Variants in NBPF12 observed in about 807,000 individuals in gnomAD.
The protein encoded by NBPF12 is NBPF member 12.
A neutral mutation model predicts 146.4 loss-of-function variants in NBPF12; 115 were observed. That is an observed-to-expected ratio of 0.79 (90% CI 0.68 to 0.92). The LOEUF is 0.92. Among genes scored for constraint, NBPF12 ranks in the 40% least tolerant of loss-of-function variants. NBPF12 has a pLI of 0.00. For synonymous variants in NBPF12, 385 were observed against 508.9 expected (o/e 0.76, Z 3.28); for missense variants, 1,205 against 1,326.8 (o/e 0.91, Z 1.43).
At chr1:146,940,140 C>T (rs1338293688) in intron 1 of NBPF12, among the ~76,000 whole-genome samples, 2 of 152,168 alleles carry the variant, frequency 1.3e-5, no homozygotes, top group African/African-American at 4.8e-5. Flanking sequence ...AGCTGTTATG[C>T]ATTAATAGCT....
At position 146,963,491 on chromosome 1, in the gene NBPF12, C is replaced by A. The variant is rs1294506786; in HGVS notation, c.493+182C>A. Among the ~76,000 whole-genome samples, 904 of 148,046 alleles carry A rather than the reference C, an allele frequency of 6.1e-3. 15 individuals are homozygous for A. Among genetic ancestry groups the A allele is most frequent in the African/African-American group, 0.021 (847 of 40,180 alleles). On this transcript the variant is annotated intron_variant, in intron 6 of 33. Coordinates refer to ENST00000617844, the Ensembl canonical transcript of NBPF12. ...TGGGAAACCCATGGGTTTGGAGGTCCCAGTATTGCAAGTGTCCCTCCTTCC... is the reference window on the plus strand; with the variant it reads ...TGGGAAACCCATGGGTTTGGAGGTCACAGTATTGCAAGTGTCCCTCCTTCC...
At chr1:146,980,723 A>C (rs1657317235) in intron 19 of NBPF12, among the ~76,000 whole-genome samples, 1 of 150,644 alleles carries the variant, frequency 6.6e-6, no homozygotes, top group African/African-American at 2.5e-5. Context: ...GCAGTGTGGC[A>C]ATTCCTCAGG....
upstream of NBPF12, among the ~76,000 whole-genome samples, chr1:146,947,931 TA>T (rs1353967095): frequency 6.6e-6 from 1 of 152,032 alleles, no homozygotes; most frequent in Non-Finnish European, 1.5e-5. Flanking sequence ...AGGAATTTTT[TA>T]AAATCTGCTA....
chr1:146,976,652 A>C lies in NBPF12; in HGVS notation c.2120-277A>C, dbSNP rs1255202981. 2.0e-4 allele frequency among the ~76,000 whole-genome samples: 31 copies of C among 151,602 alleles called. No homozygotes were observed. The Middle Eastern group carries it at 0.01, about 50-fold the overall frequency. The stretch of plus-strand genomic sequence containing the variant: ...GCAGGATGGGGGAGACAGCTGCCAA[A>C]GTCCAGAGAGAGGCTGCACAAGCCT... On this transcript the variant is annotated intron_variant, in intron 16 of 33. Transcript: ENST00000617844.
In NBPF12 at chr1:146,968,654, G is replaced by T. The variant is rs1656362446; in HGVS notation, c.1091+104G>T. 1.4e-5 allele frequency: 15 copies of T among 1,037,558 alleles called. No homozygotes were observed. In the South Asian group the frequency reaches 1.7e-4, roughly 11 times the overall value. The allele number at this position is 1,037,558 out of a possible 1,614,324, so 64.3% of individuals were successfully genotyped here. ...AGAGCTAAGCTGGGCCAGGGGAAGG[G>T]CAGGAATTGCCATGGCAGGCTCGCT... On this transcript the variant is annotated intron_variant, in intron 10 of 33. Transcript: ENST00000617844.
chr1:146,959,889 C>T, exon 3 of NBPF12: 1 of 202,136 alleles, frequency 4.9e-6, no homozygotes, highest in Admixed American at 1.2e-4. Flanking sequence ...CCACAATCTA[C>T]CTCACTCTTA....
chr1:146,984,471 C>G lies in NBPF12; in HGVS notation c.2666+286C>G. On this transcript the variant is annotated intron_variant, in intron 21 of 33. Coordinates refer to ENST00000617844, the Ensembl canonical transcript of NBPF12. ...ACATTTTATGCAAAATTATTGAGGC[C>G]ATGCTTTTCATGATCACTGTTCACT... Among the ~76,000 whole-genome samples the G allele has an allele frequency of 1.3e-5, 2 of 150,110 alleles. 1 individual carries two copies. Among genetic ancestry groups the G allele is most frequent in the African/African-American group, 5.0e-5 (2 of 40,164 alleles).
At chr1:146,949,708 C>T (rs1390289878) in intron 1 of NBPF12, among the ~76,000 whole-genome samples, 23 of 146,038 alleles carry the variant, frequency 1.6e-4, no homozygotes, top group Admixed American at 5.5e-4. Context: ...GCTATTTTTC[C>T]AGGTTCACTA....
At chr1:146,971,667 A>G (rs1553886488) in intron 13 of NBPF12, among the ~76,000 whole-genome samples, 1,825 of 150,230 alleles carry the variant, frequency 0.012, 50 homozygotes, top group African/African-American at 0.042. Flanking sequence ...CTGCGTGCCT[A>G]TAGTCCCAAC....
intron 5 of NBPF12, among the ~76,000 whole-genome samples, chr1:146,962,750 C>A (rs1433394440): frequency 1.3e-5 from 2 of 148,154 alleles, no homozygotes; most frequent in African/African-American, 5.0e-5. Context: ...CTAGTGGCCG[C>A]AAGATGCACT....
In NBPF12 at chr1:146,971,396, T is replaced by A; in HGVS notation, c.1591+2T>A. ...AGGATGCTCTAAACATTCTCCCAGG[T>A]AGCCTCTATTTTCCTTGTGTCTCAT... On this transcript the variant is annotated splice_donor_variant, in intron 13 of 33. Transcript: ENST00000617844. LOFTEE classifies it high-confidence loss of function. 3.1e-6 allele frequency: 5 copies of A among 1,608,908 alleles called. No individual in the cohort carries two copies. The South Asian group carries it at 5.5e-5, about 18-fold the overall frequency.
intron 16 of NBPF12, among the ~76,000 whole-genome samples, chr1:146,976,712 T>C (rs1657057713): frequency 6.6e-6 from 1 of 151,714 alleles, no homozygotes; most frequent in South Asian, 2.1e-4. Flanking sequence ...CTTTTCAGTA[T>C]TTGGCCACAT....
intron 2 of NBPF12, among the ~76,000 whole-genome samples, chr1:146,944,158 G>A (rs1553883103): frequency 0.18 from 21,867 of 124,604 alleles, 2,155 homozygotes; most frequent in Middle Eastern, 0.25. Context: ...GAATTTATGG[G>A]CCACAGTGGA....
chr1:146,949,878 C>G, intron 1 of NBPF12, among the ~76,000 whole-genome samples: 1 of 151,870 alleles, frequency 6.6e-6, no homozygotes, highest in East Asian at 1.9e-4. Flanking sequence ...CTTATGGAGT[C>G]CTTCTCAAGC....
At chr1:146,995,994 G>A (rs1553890523) in exon 34 of NBPF12, 1 of 149,212 alleles carries the variant, frequency 6.7e-6, no homozygotes, top group Non-Finnish European at 1.5e-5. Flanking sequence ...GTTTTTACTA[G>A]TGTCTGCTGT....
At chr1:146,962,462 G>C (rs1424565030) in intron 5 of NBPF12, among the ~76,000 whole-genome samples, 199 bp downstream of exon 8, 8 of 151,946 alleles carry the variant, frequency 5.3e-5, no homozygotes, top group Non-Finnish European at 8.8e-5. Context: ...TTAGAGCCTT[G>C]TTTTCTCTTT....
At position 146,970,618 on chromosome 1, in the gene NBPF12, A is replaced by G. The variant is rs1448596965; in HGVS notation, c.1307-29A>G. 170 of 1,568,914 alleles carry G rather than the reference A, an allele frequency of 1.1e-4. 2 individuals carry two copies. The South Asian group carries it at 1.8e-3, about 16-fold the overall frequency. ...GTGCTTGCAGAATGTGAAGTGGAAA[A>G]TATCTGAACGAACATTTTGTATTTA... On this transcript the variant is annotated intron_variant, in intron 11 of 33. Coordinates refer to ENST00000617844, the Ensembl canonical transcript of NBPF12.
intron 14 of NBPF12, among the ~76,000 whole-genome samples, chr1:146,974,121 A>G (rs1439661594): frequency 4.7e-5 from 7 of 150,132 alleles, no homozygotes; most frequent in South Asian, 2.1e-4. Context: ...AGTAAACACT[A>G]TCTATTAGTT....
At chr1:146,994,427 C>G (rs113829174) in exon 34 of NBPF12, 1 of 1,612,216 alleles carries the variant, frequency 6.2e-7, no homozygotes, top group Admixed American at 1.7e-5. Context: ...TTTGAACTAC[C>G]TGACTCATTC....
Sources: allele counts gnomAD v4.1 joint callset (sites outside exome capture counted in the v4.1 genomes callset), GRCh38; gene constraint gnomAD v4.1.1; transcripts MANE v1.5; gene names NCBI Gene and HGNC (gene_info 2026-07-23, HGNC 2026-07-21).